Variants in SAMD12 observed in about 807,000 individuals in gnomAD.
SAMD12 encodes the protein sterile alpha motif domain-containing protein 12.
Under a neutral mutation model 15.0 loss-of-function variants are expected in SAMD12, and 9 were observed. The ratio of observed to expected loss-of-function variants is 0.60; its 90% CI spans 0.36 to 1.05. The LOEUF (loss-of-function observed/expected upper bound fraction) is 1.05. SAMD12 is among the 50% of genes least tolerant of loss of function. SAMD12 has a pLI of 0.01. For synonymous variants in SAMD12, 86 were observed against 90.1 expected, an observed-to-expected ratio of 0.96 and a Z score of 0.25; for missense variants, 230 against 234.2, an observed-to-expected ratio of 0.98 and a Z score of 0.12.
At chr8:118,344,076 C>G (rs528217538) in intron 4 of SAMD12, among the ~76,000 whole-genome samples, 1 of 152,160 alleles carries the variant, frequency 6.6e-6, no homozygotes, top group Non-Finnish European at 1.5e-5. Flanking sequence ...ATGAAGCAAG[C>G]GAGGGACAGC....
chr8:118,381,001 G>A (rs183725162), intron 3 of SAMD12, among the ~76,000 whole-genome samples: 1 of 152,312 alleles, frequency 6.6e-6, no homozygotes, highest in African/African-American at 2.4e-5. Context: ...GAAGGTGCTA[G>A]AAGATCTTCA....
rs1380538604 is a variant in SAMD12 at position 118,311,617 on chromosome 8, A to G, written c.433+67943T>C. 2.6e-5 allele frequency among the ~76,000 whole-genome samples: 4 copies of G among 152,238 alleles called. No individual in the cohort carries two copies. In the South Asian group the frequency reaches 6.2e-4, roughly 24 times the overall value. ...AAACAAGACATAAATTCTGAGGCTCATATGCACTTGGAGTCTATGTAGTGG... is the reference window on the plus strand; with the variant it reads ...AAACAAGACATAAATTCTGAGGCTCGTATGCACTTGGAGTCTATGTAGTGG... On this transcript the variant is annotated intron_variant, in intron 4 of 4. Coordinates refer to the SAMD12 transcript ENST00000409003.
At chr8:118,156,575 T>C in the SAMD12 span, among the ~76,000 whole-genome samples, 10 of 152,312 alleles carry the variant, frequency 6.6e-5, no homozygotes, top group East Asian at 1.7e-3. Context: ...GAAATACTAG[T>C]ATATTTACCA....
chr8:118,356,840 G>A (rs1260813741), intron 4 of SAMD12, among the ~76,000 whole-genome samples: 2 of 152,088 alleles, frequency 1.3e-5, no homozygotes, highest in Admixed American at 1.3e-4. Flanking sequence ...TGGCTGCTCA[G>A]GCCAACCACC....
At chr8:118,369,540 A>T (rs1216919921) in intron 4 of SAMD12, among the ~76,000 whole-genome samples, 1 of 151,450 alleles carries the variant, frequency 6.6e-6, no homozygotes, top group Non-Finnish European at 1.5e-5. Flanking sequence ...ACATGGTGAA[A>T]CCCCATCTCT....
At chr8:118,493,777 G>C (rs556488168) in intron 2 of SAMD12, among the ~76,000 whole-genome samples, 1 of 152,246 alleles carries the variant, frequency 6.6e-6, no homozygotes, top group East Asian at 1.9e-4. Context: ...GGAACACTCA[G>C]ACCAAGGAGG....
At chr8:118,333,174 C>A (rs7016110) in intron 4 of SAMD12, among the ~76,000 whole-genome samples, 1 of 152,136 alleles carries the variant, frequency 6.6e-6, no homozygotes, top group African/African-American at 2.4e-5. Flanking sequence ...GTGGGAGAGA[C>A]CCTAAGTTCT....
intron 4 of SAMD12, among the ~76,000 whole-genome samples, chr8:118,370,006 G>A (rs62532692): frequency 0.23 from 35,251 of 151,910 alleles, 4,301 homozygotes; most frequent in African/African-American, 0.29. Flanking sequence ...AATTTTTTCC[G>A]ACGTATCCAT....
intron 4 of SAMD12, among the ~76,000 whole-genome samples, chr8:118,208,907 T>C (rs1443836362): frequency 6.6e-6 from 1 of 152,210 alleles, no homozygotes; most frequent in African/African-American, 2.4e-5. Context: ...CTGCTGTATG[T>C]AGGGAGGGCT....
chr8:118,157,507 T>A, the SAMD12 span, among the ~76,000 whole-genome samples: 2 of 152,224 alleles, frequency 1.3e-5, no homozygotes, highest in Non-Finnish European at 2.9e-5. Context: ...TTGTCTGTAC[T>A]CCATGTGAAA....
chr8:118,462,835 G>T (rs1225926926), intron 2 of SAMD12, among the ~76,000 whole-genome samples: 1 of 152,104 alleles, frequency 6.6e-6, no homozygotes, highest in Non-Finnish European at 1.5e-5. Context: ...GGGCGCGGTG[G>T]CTCACGCCTG....
At chr8:118,223,317 G>A (rs111507142) in intron 4 of SAMD12, among the ~76,000 whole-genome samples, 6 of 152,150 alleles carry the variant, frequency 3.9e-5, no homozygotes, top group African/African-American at 9.6e-5. Flanking sequence ...TTAGGCCCAC[G>A]GATTCAATGC....
rs1819551109 is a variant in SAMD12, at chr8:118,379,478, C to A, written c.545G>T (p.Arg182Met). The change falls in exon 4 of 4, where the codon AGG (arginine) becomes ATG (methionine). Residue 182 changes from arginine to methionine, a missense_variant. Physicochemically the swap from Arg to Met is moderately conservative, Grantham distance 91 (BLOSUM62 -1). Transcript: ENST00000314727. ...GTGAAGAAACAATAACAAATTCTCC[C>A]TGACTCCTGTCTGTCCTAATAGTAA... ...TTLLLGQTGV[R>M]ENLLLFLHRI... The A allele has an allele frequency of 2.5e-6, 4 of 1,613,714 alleles. No homozygotes were observed. Among genetic ancestry groups the A allele is most frequent in the Non-Finnish European group, 3.4e-6 (4 of 1,179,854 alleles).
chr8:118,275,832 A>G (rs1813461825), intron 4 of SAMD12, among the ~76,000 whole-genome samples: 1 of 152,140 alleles, frequency 6.6e-6, no homozygotes, highest in Non-Finnish European at 1.5e-5. Flanking sequence ...TCCTGCATTA[A>G]TTTGCTTAGG....
intron 2 of SAMD12, among the ~76,000 whole-genome samples, chr8:118,509,739 T>C (rs1030288097): frequency 6.6e-6 from 1 of 152,072 alleles, no homozygotes; most frequent in African/African-American, 2.4e-5. Flanking sequence ...TCTCAACATT[T>C]ACACATAATT....
chr8:118,181,907 G>C, the SAMD12 span, among the ~76,000 whole-genome samples: 1 of 152,180 alleles, frequency 6.6e-6, no homozygotes, highest in Non-Finnish European at 1.5e-5. Flanking sequence ...GGTTGCTAGA[G>C]GGCTTTAGTC....
At chr8:118,346,177 A>C (rs1228229159) in intron 4 of SAMD12, among the ~76,000 whole-genome samples, 1 of 152,204 alleles carries the variant, frequency 6.6e-6, no homozygotes, top group African/African-American at 2.4e-5. Flanking sequence ...CAAACTTTAT[A>C]AAACTATATA....
chr8:118,233,716 A>T (rs1812362667), intron 4 of SAMD12, among the ~76,000 whole-genome samples: 1 of 152,184 alleles, frequency 6.6e-6, no homozygotes, highest in Non-Finnish European at 1.5e-5. Flanking sequence ...ATGGCAGCAC[A>T]AGGTATTATT....
At chr8:118,565,011 A>G (rs1652905631) in intron 2 of SAMD12, among the ~76,000 whole-genome samples, 1 of 152,192 alleles carries the variant, frequency 6.6e-6, no homozygotes, top group African/African-American at 2.4e-5. Flanking sequence ...ACTATCTAGA[A>G]CTAGTCGTTC....
Sources: allele counts gnomAD v4.1 joint callset (sites outside exome capture counted in the v4.1 genomes callset), GRCh38; gene constraint gnomAD v4.1.1; transcripts MANE v1.5; gene names NCBI Gene and HGNC (gene_info 2026-07-23, HGNC 2026-07-21).